CCDC73: variants seen among roughly 807,000 people sequenced by gnomAD.
The protein encoded by CCDC73 is coiled-coil domain containing 73, also known as coiled-coil domain-containing protein 73.
A neutral mutation model predicts 116.5 loss-of-function variants in CCDC73; 95 were observed. The ratio of observed to expected loss-of-function variants is 0.82; its 90% CI spans 0.69 to 0.97. CCDC73 has a LOEUF of 0.97. Ranked by LOEUF, CCDC73 falls within the 50% of genes least tolerant of loss-of-function variation. CCDC73 has a pLI of 0.00. For synonymous variants in CCDC73, 398 were observed against 401.3 expected (o/e 0.99, Z 0.10); for missense variants, 1,066 against 1,206.8 (o/e 0.88, Z 1.73).
At chr11:32,733,325 C>T (rs12800518) in intron 2 of CCDC73, among the ~76,000 whole-genome samples, 11,294 of 152,202 alleles carry the variant, frequency 0.074, 472 homozygotes, top group South Asian at 0.12. Context: ...TAATGGGAGA[C>T]TTTAACACCC....
upstream of CCDC73, among the ~76,000 whole-genome samples, chr11:32,796,208 G>A (rs1242754342): frequency 6.6e-6 from 1 of 152,082 alleles, no homozygotes; most frequent in Non-Finnish European, 1.5e-5. Flanking sequence ...TTTATTAACT[G>A]TATCCTAGGA....
chr11:32,720,882 G>T (rs957560235), intron 2 of CCDC73, among the ~76,000 whole-genome samples: 3 of 152,050 alleles, frequency 2.0e-5, no homozygotes, highest in Non-Finnish European at 4.4e-5. Flanking sequence ...TCTTGATAAG[G>T]TTTCAATTAT....
chr11:32,766,856 G>C (rs541802434), intron 1 of CCDC73, among the ~76,000 whole-genome samples: 2 of 152,246 alleles, frequency 1.3e-5, no homozygotes, highest in South Asian at 4.1e-4. Context: ...CCATGCTTAT[G>C]GATAGGAAGA....
intron 1 of CCDC73, among the ~76,000 whole-genome samples, chr11:32,764,445 T>G (rs1299271687): frequency 6.6e-6 from 1 of 152,240 alleles, no homozygotes; most frequent in East Asian, 1.9e-4. Context: ...CATAAGAGAC[T>G]GTGGGCCAAT....
At chr11:32,766,397 T>A (rs921511579) in intron 1 of CCDC73, among the ~76,000 whole-genome samples, 2 of 152,100 alleles carry the variant, frequency 1.3e-5, no homozygotes, top group African/African-American at 2.4e-5. Context: ...AAAACTGGCA[T>A]AAGACAAGGA....
intron 1 of CCDC73, among the ~76,000 whole-genome samples, chr11:32,776,092 C>G (rs1850530026): frequency 6.6e-6 from 1 of 152,100 alleles, no homozygotes; most frequent in African/African-American, 2.4e-5. Flanking sequence ...TACACTGTCA[C>G]TTTCACTTTC....
At chr11:32,830,396 C>A in the CCDC73 span, 4 of 967,596 alleles carry the variant, frequency 4.1e-6, no homozygotes, top group Non-Finnish European at 4.2e-6. Flanking sequence ...GCGCGCCGGG[C>A]GCTCTTGCGC....
chr11:32,786,860 A>G (rs1332044366), intron 1 of CCDC73, among the ~76,000 whole-genome samples: 1 of 152,136 alleles, frequency 6.6e-6, no homozygotes, highest in Non-Finnish European at 1.5e-5. Flanking sequence ...TTTGACCTGT[A>G]GATAGTCTCT....
chr11:32,678,979 T>C (rs537296118), intron 7 of CCDC73, among the ~76,000 whole-genome samples: 109 of 152,118 alleles, frequency 7.2e-4, no homozygotes, highest in Middle Eastern at 3.4e-3. Flanking sequence ...TATATTATCT[T>C]GGCAAGTCTG....
intron 2 of CCDC73, chr11:32,758,298 C>T (rs1490197467): frequency 6.1e-6 from 3 of 490,680 alleles, no homozygotes; most frequent in African/African-American, 5.8e-5. Context: ...TCATCATGGG[C>T]TTTCCTACAA....
intron 2 of CCDC73, among the ~76,000 whole-genome samples, chr11:32,751,098 G>A (rs182222292): frequency 3.9e-5 from 6 of 152,280 alleles, no homozygotes; most frequent in Admixed American, 3.3e-4. Flanking sequence ...GATGTGTCTA[G>A]AAATGTTGTC....
chr11:32,730,399 C>T (rs1850064913), intron 2 of CCDC73, among the ~76,000 whole-genome samples: 1 of 152,192 alleles, frequency 6.6e-6, no homozygotes, highest in South Asian at 2.1e-4. Context: ...TTAAGATTCA[C>T]ACCTCCTCCA....
intron 12 of CCDC73, among the ~76,000 whole-genome samples, chr11:32,642,751 A>G (rs1428961575): frequency 1.3e-5 from 2 of 151,968 alleles, no homozygotes; most frequent in Admixed American, 6.6e-5. Flanking sequence ...AAATTTCTAT[A>G]AAAAGATAAA....
At chr11:32,695,382 A>AAG (rs386373513) in intron 6 of CCDC73, among the ~76,000 whole-genome samples, 6 of 151,780 alleles carry the variant, frequency 4.0e-5, no homozygotes, top group Non-Finnish European at 7.4e-5. Flanking sequence ...AAAAAAAAAA[A>AAG]AGAGCTTGCC....
At chr11:32,630,150 T>C (rs1293170753) in intron 14 of CCDC73, among the ~76,000 whole-genome samples, 2 of 152,192 alleles carry the variant, frequency 1.3e-5, no homozygotes, top group African/African-American at 4.8e-5. Flanking sequence ...AAATGTATGA[T>C]AACAACAACA....
intron 1 of CCDC73, among the ~76,000 whole-genome samples, chr11:32,786,283 T>C (rs1011555937): frequency 1.3e-5 from 2 of 150,006 alleles, no homozygotes; most frequent in Admixed American, 6.7e-5. Flanking sequence ...AATGAACTTT[T>C]GTAAGTAGTT....
At chr11:32,704,758 CCCATGGGCCAAT>C (rs1364639517) in intron 3 of CCDC73, among the ~76,000 whole-genome samples, 2 of 152,182 alleles carry the variant, frequency 1.3e-5, no homozygotes, top group Non-Finnish European at 2.9e-5. Flanking sequence ...TCTGGGCCCA[CCCATGGGCCAAT>C]AAACACACAC....
intron 7 of CCDC73, among the ~76,000 whole-genome samples, chr11:32,676,385 C>T (rs1795996067): frequency 6.6e-6 from 1 of 152,130 alleles, no homozygotes; most frequent in Admixed American, 6.5e-5. Flanking sequence ...TATTTTTTCT[C>T]TAAATCATTT....
the CCDC73 span, among the ~76,000 whole-genome samples, chr11:32,823,265 G>A: frequency 6.6e-6 from 1 of 152,232 alleles, no homozygotes; most frequent in Non-Finnish European, 1.5e-5. Flanking sequence ...CCTGAGGTCA[G>A]GAATTTGAGA....
Sources: gnomAD v4.1 joint callset for allele counts (sites outside exome capture counted in the v4.1 genomes callset) on GRCh38, gnomAD v4.1.1 for gene constraint, MANE v1.5 for transcripts, NCBI Gene and HGNC (gene_info 2026-07-23, HGNC 2026-07-21) for gene names.